TRPM6: variants seen among roughly 807,000 people sequenced by gnomAD.
The protein encoded by TRPM6 is channel kinase 2.
In TRPM6, 111 loss-of-function variants were observed where a neutral mutation model predicts 247.6. The observed-to-expected ratio is 0.45, with a 90% CI of 0.38 to 0.52. TRPM6 has a LOEUF of 0.52. Among genes scored for constraint, TRPM6 ranks in the 20% least tolerant of loss-of-function variants. TRPM6 has a pLI of 0.00. For missense variants in TRPM6, 2,126 were observed against 2,421.5 expected (o/e 0.88, Z 2.56); for synonymous variants, 892 against 853.8 (o/e 1.04, Z -0.78).
chr9:74,836,145 T>C (rs150668604), intron 5 of TRPM6, among the ~76,000 whole-genome samples: 131 of 152,314 alleles, frequency 8.6e-4, no homozygotes, highest in African/African-American at 3.0e-3. Context: ...CCTCAGCTCC[T>C]GGCAACTGCT....
At chr9:74,855,363 C>A (rs377355227) in intron 3 of TRPM6, among the ~76,000 whole-genome samples, 164 bp downstream of exon 3, 2 of 152,150 alleles carry the variant, frequency 1.3e-5, no homozygotes, top group Non-Finnish European at 2.9e-5. Context: ...CTATTACGTT[C>A]GAATACTCAC....
chr9:74,775,937 G>A lies in TRPM6; in HGVS notation c.3349C>T (p.Arg1117Cys), dbSNP rs570399736. The A allele has an allele frequency of 6.2e-6, 10 of 1,614,162 alleles. No homozygotes were observed. Among genetic ancestry groups the A allele is most frequent in the East Asian group, 2.2e-5 (1 of 44,856 alleles). ...TGAGGAGCTCGATGACAGCACAGGC[G>A]GCGGAGGAGAAGGCCCACGTGGCTC... ...LLSHVGLLLR[R>C]LCCHRAPHDQ... The change falls in exon 24 of 39, where the codon CGC (arginine) becomes TGC (cysteine). Residue 1117 changes from arginine (R) to cysteine (C), a missense_variant. By Grantham distance (180) the Arg-to-Cys change is radical. Transcript: ENST00000360774.
chr9:74,816,785 G>C lies in TRPM6; in HGVS notation c.1208-16C>G, dbSNP rs1480767722. 2.5e-6 allele frequency: 4 copies of C among 1,613,016 alleles called. No homozygotes were observed. The Admixed American group carries it at 6.7e-5, about 27-fold the overall frequency. ...AAATTTGTGCCTAGGGTAAAAGAAA[G>C]GAACAATCATATATTCTTTTCAAGA... On this transcript the variant is annotated splice_polypyrimidine_tract_variant and intron_variant, in intron 10 of 38. Coordinates refer to ENST00000360774, the MANE Select transcript of TRPM6 (RefSeq NM_017662.5).
At chr9:74,790,554 T>A (rs1040802477) in intron 19 of TRPM6, among the ~76,000 whole-genome samples, 1 of 152,222 alleles carries the variant, frequency 6.6e-6, no homozygotes, top group Non-Finnish European at 1.5e-5. Flanking sequence ...CGTACATTAA[T>A]GGTCTCCCCT....
At chr9:74,853,022 C>T (rs1203208269) in intron 3 of TRPM6, among the ~76,000 whole-genome samples, 1 of 151,986 alleles carries the variant, frequency 6.6e-6, no homozygotes, top group African/African-American at 2.4e-5. Context: ...CTCTGCCCGG[C>T]CCCCCGTCGT....
At chr9:74,833,606 T>C (rs11144108) in intron 6 of TRPM6, among the ~76,000 whole-genome samples, 1 of 152,040 alleles carries the variant, frequency 6.6e-6, no homozygotes, top group East Asian at 1.9e-4. Flanking sequence ...GTTGAGACTA[T>C]GCTGTTAGGA....
At chr9:74,782,502 T>C (rs370161724) in intron 22 of TRPM6, 26 bp from the exon 23 acceptor site, 1 of 1,582,278 alleles carries the variant, frequency 6.3e-7, no homozygotes, top group Non-Finnish European at 8.7e-7. Context: ...TTTAAAAGAA[T>C]GAAAGATAAG....
intron 23 of TRPM6, among the ~76,000 whole-genome samples, chr9:74,782,128 G>T (rs1010366818): frequency 6.6e-6 from 1 of 152,106 alleles, no homozygotes; most frequent in African/African-American, 2.4e-5. Context: ...TCTGCAGGGG[G>T]TCCTAGAACA....
At chr9:74,865,632 T>C (rs1285823020) in intron 1 of TRPM6, among the ~76,000 whole-genome samples, 1 of 152,238 alleles carries the variant, frequency 6.6e-6, no homozygotes, top group Non-Finnish European at 1.5e-5. Flanking sequence ...ATTTGTTATC[T>C]ATGTACACAG....
At chr9:74,873,085 C>G (rs1321548096) in intron 1 of TRPM6, among the ~76,000 whole-genome samples, 1 of 152,082 alleles carries the variant, frequency 6.6e-6, no homozygotes, top group Non-Finnish European at 1.5e-5. Context: ...GATCTCTTGC[C>G]CCTCCCTGCC....
At chr9:74,746,194 G>A (rs973394000) in intron 31 of TRPM6, among the ~76,000 whole-genome samples, 10 of 151,272 alleles carry the variant, frequency 6.6e-5, no homozygotes, top group Admixed American at 2.6e-4. Context: ...AGCTGAGATC[G>A]CGCCACTGCA....
intron 23 of TRPM6, among the ~76,000 whole-genome samples, chr9:74,776,912 G>A (rs575746268): frequency 6.6e-6 from 1 of 152,296 alleles, no homozygotes; most frequent in Admixed American, 6.5e-5. Flanking sequence ...AGATAGCAGA[G>A]TAGAACTGGA....
At chr9:74,839,202 GC>G in intron 5 of TRPM6, among the ~76,000 whole-genome samples, 1 of 152,140 alleles carries the variant, frequency 6.6e-6, no homozygotes, top group African/African-American at 2.4e-5. Context: ...CTCAATCCTG[GC>G]TGACATACTT....
chr9:74,822,007 T>C (rs1365501086), intron 7 of TRPM6, among the ~76,000 whole-genome samples, 170 bp from the exon 8 acceptor site: 1 of 152,162 alleles, frequency 6.6e-6, no homozygotes, highest in Non-Finnish European at 1.5e-5. Flanking sequence ...AGCCAGAAAC[T>C]TGGACTTCAA....
At chr9:74,733,633 C>A (rs1205636017) in intron 36 of TRPM6, among the ~76,000 whole-genome samples, 1 of 152,230 alleles carries the variant, frequency 6.6e-6, no homozygotes, top group Non-Finnish European at 1.5e-5. Flanking sequence ...AGAGTTTGCA[C>A]AGTCCATACA....
At chr9:74,851,060 A>T (rs1015222901) in intron 3 of TRPM6, among the ~76,000 whole-genome samples, 2 of 152,118 alleles carry the variant, frequency 1.3e-5, no homozygotes, top group African/African-American at 4.8e-5. Context: ...GCTTAAGTAT[A>T]TTTCTATTCT....
At chr9:74,771,644 T>C in intron 25 of TRPM6, 59 bp downstream of exon 25, 1 of 1,557,984 alleles carries the variant, frequency 6.4e-7, no homozygotes, top group Non-Finnish European at 8.8e-7. Context: ...CCTTTAGATA[T>C]TCTAGCAGAA....
intron 1 of TRPM6, among the ~76,000 whole-genome samples, chr9:74,864,678 A>G (rs1349603559): frequency 1.3e-5 from 2 of 152,208 alleles, no homozygotes; most frequent in African/African-American, 2.4e-5. Context: ...TTGAATGTCA[A>G]CTAAATAATT....
intron 37 of TRPM6, among the ~76,000 whole-genome samples, chr9:74,731,713 T>C (rs1039139640): frequency 1.6e-4 from 24 of 148,250 alleles, no homozygotes; most frequent in Non-Finnish European, 3.0e-4. Context: ...ATATATAATA[T>C]ATATAATATA....
Sources: allele counts gnomAD v4.1 joint callset (sites outside exome capture counted in the v4.1 genomes callset), GRCh38; gene constraint gnomAD v4.1.1; transcripts MANE v1.5; gene names NCBI Gene and HGNC (gene_info 2026-07-23, HGNC 2026-07-21).